CNIH4: variants seen among roughly 807,000 people sequenced by gnomAD.
CNIH4 encodes the protein cornichon family member 4.
CNIH4 carries 9 observed loss-of-function variants against 21.5 expected under a neutral mutation model. The ratio of observed to expected loss-of-function variants is 0.42; its 90% CI spans 0.25 to 0.73. CNIH4 has a LOEUF of 0.73. CNIH4 is among the 30% of genes least tolerant of loss of function. CNIH4 has a pLI of 0.27. For missense variants in CNIH4, 159 were observed against 170.0 expected, an observed-to-expected ratio of 0.94 and a Z score of 0.36; for synonymous variants, 67 against 59.1, an observed-to-expected ratio of 1.13 and a Z score of -0.61.
chr1:224,374,659 G>A (rs1343715047), intron 4 of CNIH4, among the ~76,000 whole-genome samples: 1 of 151,980 alleles, frequency 6.6e-6, no homozygotes, highest in African/African-American at 2.4e-5. Flanking sequence ...CAAAGTGCTG[G>A]GATTACAGGC....
intron 2 of CNIH4, among the ~76,000 whole-genome samples, chr1:224,363,442 C>T (rs577534721): frequency 4.6e-5 from 7 of 152,218 alleles, no homozygotes; most frequent in South Asian, 2.1e-4. Context: ...TAGTTCTCTG[C>T]GAATACTGAT....
chr1:224,375,590 A>C (rs1275504647), intron 4 of CNIH4, among the ~76,000 whole-genome samples: 1 of 150,962 alleles, frequency 6.6e-6, no homozygotes, highest in Non-Finnish European at 1.5e-5. Flanking sequence ...ACTTCCCCCA[A>C]CTCCCCACCC....
At chr1:224,371,199 CGAT>C in intron 3 of CNIH4, 81 bp from the exon 4 acceptor site, 1 of 1,421,248 alleles carries the variant, frequency 7.0e-7, no homozygotes, top group Non-Finnish European at 9.7e-7. Context: ...TTTTAAAAGT[CGAT>C]TATTATTGGC....
chr1:224,357,514 G>C lies in CNIH4; in HGVS notation c.69+521G>C, dbSNP rs534561308. The C allele has an allele frequency of 2.0e-5, 3 of 153,364 alleles. No individual in the cohort carries two copies. In the South Asian group the frequency reaches 6.1e-4, roughly 31 times the overall value. 9.5% of individuals were successfully genotyped at this position (153,364 alleles called of 1,614,324 possible). A position where few individuals can be genotyped will look rare whatever the true frequency, so the allele number is the denominator to read the frequency against. ...CAACACCCCCGGCACCCGCCCCTTT[G>C]TTCTGGCGGGTGTTAGTACTTGCAG... On this transcript the variant is annotated intron_variant, in intron 1 of 4. Coordinates refer to ENST00000465271, the MANE Select transcript of CNIH4 (RefSeq NM_014184.4).
chr1:224,368,907 TGTC>T (rs759735701), intron 3 of CNIH4, among the ~76,000 whole-genome samples: 2 of 74,962 alleles, frequency 2.7e-5, no homozygotes, highest in African/African-American at 4.1e-5. Context: ...TTACTGTGTG[TGTC>T]TTTTTTTTTT....
chr1:224,357,114 G>A, intron 1 of CNIH4, 121 bp downstream of exon 1: 1 of 1,161,796 alleles, frequency 8.6e-7, no homozygotes. Flanking sequence ...TGGGCTCCCT[G>A]GGAGCTGGCC....
rs1672281759 is a variant in CNIH4 at position 224,361,243 on chromosome 1, GT to G, written c.138+681del. On this transcript the variant is annotated intron_variant, in intron 2 of 4. Transcript: ENST00000465271. ...CGTTTCTCCTGCCTCAGCCTCCCAA[GT>G]AGCTGGGATTACAGGCACTGCCACC... Among the ~76,000 whole-genome samples, 3 of 151,074 alleles carry G rather than the reference GT, an allele frequency of 2.0e-5. No individual in the cohort carries two copies. In the South Asian group the frequency reaches 6.3e-4, roughly 32 times the overall value.
At chr1:224,374,560 G>A (rs1024452024) in intron 4 of CNIH4, among the ~76,000 whole-genome samples, 5 of 151,920 alleles carry the variant, frequency 3.3e-5, no homozygotes, top group African/African-American at 9.7e-5. Flanking sequence ...GATTATAGGC[G>A]CACGCCACCA....
chr1:224,372,864 G>A (rs1443013950), intron 4 of CNIH4, among the ~76,000 whole-genome samples: 1 of 151,774 alleles, frequency 6.6e-6, no homozygotes, highest in Non-Finnish European at 1.5e-5. Context: ...ACAGGCATGA[G>A]CCACCGTGCC....
At chr1:224,370,485 A>G (rs921873434) in intron 3 of CNIH4, among the ~76,000 whole-genome samples, 1 of 152,200 alleles carries the variant, frequency 6.6e-6, no homozygotes, top group Non-Finnish European at 1.5e-5. Context: ...GTTAGGACAT[A>G]TATGTTACAC....
intron 4 of CNIH4, 80 bp from the exon 5 acceptor site, chr1:224,375,715 G>T: frequency 1.3e-6 from 2 of 1,490,918 alleles, no homozygotes; most frequent in South Asian, 2.3e-5. Context: ...TGAACCTTAG[G>T]GACGCAAGTC....
At chr1:224,365,092 A>T (rs149901379) in intron 2 of CNIH4, among the ~76,000 whole-genome samples, 1 of 152,210 alleles carries the variant, frequency 6.6e-6, no homozygotes, top group Non-Finnish European at 1.5e-5. Flanking sequence ...GTGTAACCTT[A>T]GGCAATTTAC....
intron 2 of CNIH4, among the ~76,000 whole-genome samples, chr1:224,362,692 A>G (rs1384379997): frequency 6.6e-6 from 1 of 151,672 alleles, no homozygotes; most frequent in African/African-American, 2.4e-5. Flanking sequence ...ACAGGGTTTC[A>G]CCATGTTAGC....
At chr1:224,371,219 T>C (rs1045208239) in intron 3 of CNIH4, 64 bp from the exon 4 acceptor site, 6 of 1,518,080 alleles carry the variant, frequency 4.0e-6, no homozygotes, top group East Asian at 2.3e-5. Context: ...TGGCTACTTA[T>C]ATTTGAATAC....
chr1:224,359,729 G>C (rs900544184), intron 1 of CNIH4, among the ~76,000 whole-genome samples: 12 of 151,960 alleles, frequency 7.9e-5, no homozygotes, highest in Non-Finnish European at 1.3e-4. Flanking sequence ...TACCAAATCT[G>C]CTGCTCAGAC....
Position 224,364,480 on chromosome 1 carries a change from A to T in CNIH4, c.139-1399A>T, listed in dbSNP as rs1672392422. 1.6e-5 allele frequency: 11 copies of T among 685,428 alleles called. No homozygotes were observed. The South Asian group carries it at 6.5e-4, about 41-fold the overall frequency. The allele number at this position is 685,428 out of a possible 1,614,324, so 42.5% of individuals were successfully genotyped here. A position where few individuals can be genotyped will look rare whatever the true frequency, so the allele number is the denominator to read the frequency against. On this transcript the variant is annotated intron_variant, in intron 2 of 4. Coordinates refer to ENST00000465271, the MANE Select transcript of CNIH4 (RefSeq NM_014184.4). The stretch of plus-strand genomic sequence containing the variant: ...GGTAGGTATTATGTGTATTTTACAG[A>T]TGAAAACATTGTGGCTTAGAGAGGG...
chr1:224,363,689 T>C (rs1672366294), intron 2 of CNIH4, among the ~76,000 whole-genome samples: 1 of 152,194 alleles, frequency 6.6e-6, no homozygotes. Flanking sequence ...CCAGTTCTTT[T>C]CCTTTCTTTT....
intron 2 of CNIH4, chr1:224,364,342 A>G (rs1672388080): frequency 1.0e-6 from 1 of 985,294 alleles, no homozygotes; most frequent in Admixed American, 6.1e-5. Flanking sequence ...AGCTTTAGGG[A>G]TCTGATATGG....
chr1:224,364,911 G>A (rs59577766), intron 2 of CNIH4, among the ~76,000 whole-genome samples: 11,440 of 149,310 alleles, frequency 0.077, 1,385 homozygotes, highest in African/African-American at 0.26. Context: ...CCAGCCTGGC[G>A]ACAGAGCGAA....
Sources: allele counts gnomAD v4.1 joint callset (sites outside exome capture counted in the v4.1 genomes callset), GRCh38; gene constraint gnomAD v4.1.1; transcripts MANE v1.5; gene names NCBI Gene and HGNC (gene_info 2026-07-23, HGNC 2026-07-21).